The following FBXL7 variants were observed in gnomAD, a reference collection of about 807,000 sequenced individuals.
FBXL7 encodes the protein F-box/LRR-repeat protein 7.
Under a neutral mutation model 38.3 loss-of-function variants are expected in FBXL7, and 12 were observed. That is an observed-to-expected ratio of 0.31 (90% CI 0.20 to 0.51). The LOEUF (loss-of-function observed/expected upper bound fraction) is 0.51, where lower values mean the gene tolerates loss of function less well. Ranked by LOEUF, FBXL7 falls within the 20% of genes least tolerant of loss-of-function variation. The pLI is 0.98. For synonymous variants in FBXL7, 297 were observed against 300.9 expected (o/e 0.99, Z 0.13); for missense variants, 567 against 676.4 (o/e 0.84, Z 1.79).
intron 2 of FBXL7, among the ~76,000 whole-genome samples, chr5:15,861,643 A>C (rs896952316): frequency 2.0e-5 from 3 of 152,192 alleles, no homozygotes; most frequent in African/African-American, 4.8e-5. Flanking sequence ...GCTTCTCTAG[A>C]ATATAGCAGC....
chr5:15,537,166 C>G (rs1418953855), intron 1 of FBXL7, among the ~76,000 whole-genome samples: 1 of 152,102 alleles, frequency 6.6e-6, no homozygotes, highest in Non-Finnish European at 1.5e-5. Flanking sequence ...TATAAATTAC[C>G]CAGTCTCATC....
At chr5:15,584,327 C>T (rs1739239621) in intron 1 of FBXL7, among the ~76,000 whole-genome samples, 1 of 152,172 alleles carries the variant, frequency 6.6e-6, no homozygotes, top group South Asian at 2.1e-4. Context: ...TTTTTCTTTT[C>T]TACCACATGG....
chr5:15,523,731 C>T lies in FBXL7; in HGVS notation c.37+23018C>T, dbSNP rs146776793. On this transcript the variant is annotated intron_variant, in intron 1 of 3. Coordinates refer to ENST00000504595, the MANE Select transcript of FBXL7 (RefSeq NM_012304.5). Reference sequence around the variant, plus strand: ...AGTTTACAGGGAGAACAAAAGAACTCCAGTGCTGGTGGCTTGCTTATAGGT... The same window carrying T: ...AGTTTACAGGGAGAACAAAAGAACTTCAGTGCTGGTGGCTTGCTTATAGGT... 8.2e-3 allele frequency among the ~76,000 whole-genome samples: 1,249 copies of T among 152,270 alleles called. 10 individuals carry two copies. The highest frequency in any genetic ancestry group is 0.013 in the South Asian group (64 of 4,822).
chr5:15,788,253 C>G (rs779081725), intron 2 of FBXL7, among the ~76,000 whole-genome samples: 5 of 152,164 alleles, frequency 3.3e-5, no homozygotes, highest in Non-Finnish European at 7.3e-5. Context: ...TCCTGAGGCT[C>G]TGGGTGGACA....
chr5:15,751,762 C>T (rs372756525), intron 2 of FBXL7, among the ~76,000 whole-genome samples: 2 of 152,062 alleles, frequency 1.3e-5, no homozygotes, highest in Non-Finnish European at 2.9e-5. Flanking sequence ...AATGCATTTG[C>T]GTTTGGTGTT....
At chr5:15,558,270 T>C (rs1738311700) in intron 1 of FBXL7, among the ~76,000 whole-genome samples, 2 of 152,226 alleles carry the variant, frequency 1.3e-5, no homozygotes, top group African/African-American at 4.8e-5. Flanking sequence ...TGCAGGGCCT[T>C]AGCTGTTCTC....
intron 2 of FBXL7, among the ~76,000 whole-genome samples, chr5:15,620,883 C>T (rs936418047): frequency 3.9e-5 from 6 of 152,236 alleles, no homozygotes; most frequent in Admixed American, 3.9e-4. Context: ...TGCGTAGTCT[C>T]TCACCTCAGC....
Position 15,928,372 on chromosome 5 carries a change from C to T in FBXL7, c.610C>T (p.Leu204=), listed in dbSNP as rs1382399843. 1.2e-6 allele frequency: 2 copies of T among 1,614,056 alleles called. No individual in the cohort carries two copies. Among genetic ancestry groups the T allele is most frequent in the Non-Finnish European group, 1.7e-6 (2 of 1,179,896 alleles). Residue 204 remains leucine, a synonymous_variant, in exon 3 of 4, where the codon CTG becomes TTG. Transcript: ENST00000504595. This position sits in a 1 kb window ranked among gnomAD's most constrained non-coding sequence, Gnocchi z 4.0. The part of the protein sequence containing the change: ...SGCRRLTDRG[L]YTIAQCCPEL... ...CTGCAGGCGGCTCACAGACCGAGGG[C>T]TGTACACCATCGCCCAGTGCTGCCC... is the stretch of plus-strand genomic sequence containing the variant.
chr5:15,616,960 A>G (rs1740473715), intron 2 of FBXL7, among the ~76,000 whole-genome samples: 1 of 152,180 alleles, frequency 6.6e-6, no homozygotes, highest in South Asian at 2.1e-4. Flanking sequence ...ATGTTGCGGA[A>G]GCACACTTCC....
At chr5:15,796,641 G>A (rs767174414) in intron 2 of FBXL7, among the ~76,000 whole-genome samples, 3 of 152,172 alleles carry the variant, frequency 2.0e-5, no homozygotes, top group Non-Finnish European at 4.4e-5. Flanking sequence ...ATACCCTGCC[G>A]TGACATCCAT....
At chr5:15,518,394 T>C (rs1020928658) in intron 1 of FBXL7, among the ~76,000 whole-genome samples, 5 of 152,240 alleles carry the variant, frequency 3.3e-5, no homozygotes, top group African/African-American at 1.2e-4. Flanking sequence ...CGGTTTGTTT[T>C]GGACCTGGCA....
At chr5:15,577,793 C>T (rs1027959727) in intron 1 of FBXL7, among the ~76,000 whole-genome samples, 1 of 152,190 alleles carries the variant, frequency 6.6e-6, no homozygotes, top group Non-Finnish European at 1.5e-5. Flanking sequence ...CTCCAAGGAA[C>T]TCTGCCTTCC....
intron 2 of FBXL7, among the ~76,000 whole-genome samples, chr5:15,796,253 A>T (rs1737413248): frequency 6.6e-6 from 1 of 152,222 alleles, no homozygotes; most frequent in Admixed American, 6.5e-5. Flanking sequence ...ACTCAGCCCA[A>T]AGGGCAGGTG....
chr5:15,917,848 G>A (rs1350163828), intron 2 of FBXL7, among the ~76,000 whole-genome samples: 2 of 151,502 alleles, frequency 1.3e-5, no homozygotes, highest in African/African-American at 2.4e-5. Context: ...CTCTACCATA[G>A]GAGATTAACC....
intron 2 of FBXL7, among the ~76,000 whole-genome samples, chr5:15,642,853 A>G (rs1189785418): frequency 1.3e-5 from 2 of 152,192 alleles, no homozygotes; most frequent in African/African-American, 2.4e-5. Context: ...TACCTGTTCA[A>G]TTCATTTCAT....
intron 2 of FBXL7, among the ~76,000 whole-genome samples, chr5:15,779,105 C>T (rs929795865): frequency 3.3e-5 from 5 of 151,820 alleles, no homozygotes; most frequent in African/African-American, 9.7e-5. Flanking sequence ...ACAAGCCATG[C>T]CATTAAACAT....
chr5:15,670,961 G>A (rs1387007355), intron 2 of FBXL7, among the ~76,000 whole-genome samples: 1 of 152,122 alleles, frequency 6.6e-6, no homozygotes, highest in Non-Finnish European at 1.5e-5. Flanking sequence ...TACCCTGGTG[G>A]AGCTAAGTGA....
chr5:15,809,837 C>T (rs1737811296), intron 2 of FBXL7, among the ~76,000 whole-genome samples: 1 of 152,164 alleles, frequency 6.6e-6, no homozygotes, highest in South Asian at 2.1e-4. Flanking sequence ...TAAATGTTAA[C>T]ATGCCTGTTT....
intron 2 of FBXL7, among the ~76,000 whole-genome samples, chr5:15,855,436 C>A (rs2126799768): frequency 6.6e-6 from 1 of 152,192 alleles, no homozygotes; most frequent in East Asian, 1.9e-4. Context: ...GACACCCATA[C>A]TTTTATTCTG....
Sources: allele counts gnomAD v4.1 joint callset (sites outside exome capture counted in the v4.1 genomes callset), GRCh38; gene constraint gnomAD v4.1.1; non-coding constraint Gnocchi (gnomAD v3.1); transcripts MANE v1.5; gene names NCBI Gene and HGNC (gene_info 2026-07-23, HGNC 2026-07-21).